Variants in CAMK1D observed in about 807,000 individuals in gnomAD.
The protein encoded by CAMK1D is calcium/calmodulin dependent protein kinase ID, also known as calcium/calmodulin-dependent protein kinase type 1D.
In CAMK1D, 9 loss-of-function variants were observed where a neutral mutation model predicts 47.7. The ratio of observed to expected loss-of-function variants is 0.19; its 90% CI spans 0.11 to 0.33. The LOEUF is 0.33. Among genes scored for constraint, CAMK1D ranks in the 10% least tolerant of loss-of-function variants. The pLI is 1.00. For synonymous variants in CAMK1D, 184 were observed against 184.9 expected, an observed-to-expected ratio of 0.99 and a Z score of 0.04; for missense variants, 291 against 488.7, an observed-to-expected ratio of 0.60 and a Z score of 3.81.
intron 1 of CAMK1D, among the ~76,000 whole-genome samples, chr10:12,413,324 G>C (rs1216260544): frequency 6.6e-6 from 1 of 152,152 alleles, no homozygotes; most frequent in African/African-American, 2.4e-5. Flanking sequence ...CAAGCTGTGA[G>C]GGATCCGCTC....
At chr10:12,424,861 A>G (rs766894629) in intron 1 of CAMK1D, among the ~76,000 whole-genome samples, 3 of 152,162 alleles carry the variant, frequency 2.0e-5, no homozygotes, top group Non-Finnish European at 4.4e-5. Flanking sequence ...ATGAAGCTTC[A>G]TTCAACTCCC....
At chr10:12,355,090 A>C (rs968086370) in intron 1 of CAMK1D, among the ~76,000 whole-genome samples, 1 of 150,216 alleles carries the variant, frequency 6.7e-6, no homozygotes, top group Non-Finnish European at 1.5e-5. Context: ...TGATCCTCCT[A>C]CTTTGGGCTC....
At chr10:12,529,967 CAA>C (rs1835751838) in intron 1 of CAMK1D, among the ~76,000 whole-genome samples, 1 of 152,156 alleles carries the variant, frequency 6.6e-6, no homozygotes, top group African/African-American at 2.4e-5. Context: ...GAAATGGAAA[CAA>C]ATGTGAATTT....
intron 1 of CAMK1D, among the ~76,000 whole-genome samples, chr10:12,474,794 G>T (rs902354743): frequency 1.3e-5 from 2 of 151,712 alleles, no homozygotes; most frequent in East Asian, 1.9e-4. Context: ...TCCCCTCAAG[G>T]TGTCCATGTG....
At chr10:12,511,407 C>G (rs1294053619) in intron 1 of CAMK1D, among the ~76,000 whole-genome samples, 1 of 152,054 alleles carries the variant, frequency 6.6e-6, no homozygotes, top group Non-Finnish European at 1.5e-5. Context: ...TTGAGACCAG[C>G]CTGGGCAACA....
At chr10:12,419,213 G>A (rs1839961525) in intron 1 of CAMK1D, among the ~76,000 whole-genome samples, 1 of 151,784 alleles carries the variant, frequency 6.6e-6, no homozygotes, top group Non-Finnish European at 1.5e-5. Context: ...CAACAGCCAT[G>A]ATCTCATGAA....
intron 1 of CAMK1D, among the ~76,000 whole-genome samples, chr10:12,417,812 T>G (rs1031357725): frequency 3.0e-4 from 46 of 151,960 alleles, no homozygotes; most frequent in African/African-American, 1.1e-3. Flanking sequence ...TTTGCCTTTT[T>G]TTTTTTTGAG....
At chr10:12,503,729 C>T (rs2132146457) in intron 1 of CAMK1D, among the ~76,000 whole-genome samples, 1 of 152,272 alleles carries the variant, frequency 6.6e-6, no homozygotes, top group Non-Finnish European at 1.5e-5. Flanking sequence ...CCCCCTTTTC[C>T]ATGATGATTG....
At chr10:12,759,432 T>C (rs1415814835) in intron 3 of CAMK1D, among the ~76,000 whole-genome samples, 1 of 152,200 alleles carries the variant, frequency 6.6e-6, no homozygotes, top group Non-Finnish European at 1.5e-5. Context: ...TTCTGGTACA[T>C]TCTCGAGCTC....
chr10:12,785,483 A>G (rs1837681367), intron 5 of CAMK1D, among the ~76,000 whole-genome samples: 1 of 152,094 alleles, frequency 6.6e-6, no homozygotes, highest in East Asian at 1.9e-4. Context: ...ATACGATTAG[A>G]ATACAATTTC....
chr10:12,622,415 C>T (rs186151122), intron 2 of CAMK1D, among the ~76,000 whole-genome samples: 16 of 152,078 alleles, frequency 1.1e-4, no homozygotes, highest in Admixed American at 7.2e-4. Flanking sequence ...ATCTTGGATA[C>T]GGGAGGCAGA....
At chr10:12,405,341 A>C (rs1328767872) in intron 1 of CAMK1D, among the ~76,000 whole-genome samples, 1 of 152,218 alleles carries the variant, frequency 6.6e-6, no homozygotes. Flanking sequence ...TAGTGCAGAC[A>C]TAATGCCCAG....
intron 3 of CAMK1D, among the ~76,000 whole-genome samples, chr10:12,712,417 C>T (rs756828637): frequency 6.6e-6 from 1 of 152,226 alleles, no homozygotes; most frequent in Non-Finnish European, 1.5e-5. Flanking sequence ...GCTGGAATTG[C>T]TACAACAGAA....
At chr10:12,706,125 C>T (rs961833653) in intron 3 of CAMK1D, among the ~76,000 whole-genome samples, 2 of 152,088 alleles carry the variant, frequency 1.3e-5, no homozygotes, top group African/African-American at 4.8e-5. Flanking sequence ...GAGATGGCTT[C>T]TAAGTGACTA....
chr10:12,361,777 A>T lies in CAMK1D; in HGVS notation c.92+11867A>T, dbSNP rs984899067. ...CACCATGTTGGCCAGGCTGGTCTCGATCTCCTGACCTCAAATGACCCACCC... is the reference window on the plus strand; with the variant it reads ...CACCATGTTGGCCAGGCTGGTCTCGTTCTCCTGACCTCAAATGACCCACCC... On this transcript the variant is annotated intron_variant, in intron 1 of 10. Coordinates refer to ENST00000619168, the MANE Select transcript of CAMK1D (RefSeq NM_153498.4). Among the ~76,000 whole-genome samples the T allele has an allele frequency of 6.0e-5, 9 of 150,874 alleles. No individual in the cohort carries two copies. The South Asian group carries it at 1.0e-3, about 18-fold the overall frequency.
At chr10:12,541,361 CTTTCT>C (rs1446453014) in intron 1 of CAMK1D, among the ~76,000 whole-genome samples, 1 of 151,952 alleles carries the variant, frequency 6.6e-6, no homozygotes, top group Non-Finnish European at 1.5e-5. Flanking sequence ...TTTTGTTTTT[CTTTCT>C]TTTCTTTTTT....
intron 6 of CAMK1D, among the ~76,000 whole-genome samples, chr10:12,804,116 T>C (rs1838609521): frequency 6.6e-6 from 1 of 152,186 alleles, no homozygotes; most frequent in South Asian, 2.1e-4. Flanking sequence ...TGGATGCCAT[T>C]GGCCATCAGA....
rs1419313520 is a variant in CAMK1D at position 12,569,575 on chromosome 10, C to T, written c.224+16219C>T. Reference sequence around the variant, plus strand: ...AATACAAAAAAAAAAAAAAATTAGCCGGGCTTGGTGGCGGGCGCCTGTAGT... The same window carrying T: ...AATACAAAAAAAAAAAAAAATTAGCTGGGCTTGGTGGCGGGCGCCTGTAGT... On this transcript the variant is annotated intron_variant, in intron 2 of 10. Transcript: ENST00000619168. Among the ~76,000 whole-genome samples, 9 of 150,386 alleles carry T rather than the reference C, an allele frequency of 6.0e-5. No individual in the cohort carries two copies. The East Asian group carries it at 1.2e-3, about 20-fold the overall frequency.
intron 1 of CAMK1D, among the ~76,000 whole-genome samples, chr10:12,396,483 C>T (rs533007929): frequency 1.3e-5 from 2 of 152,338 alleles, no homozygotes; most frequent in South Asian, 4.1e-4. Flanking sequence ...GGCTTAACCC[C>T]CTTTTTGCCA....
Sources: allele counts gnomAD v4.1 joint callset (sites outside exome capture counted in the v4.1 genomes callset), GRCh38; gene constraint gnomAD v4.1.1; transcripts MANE v1.5; gene names NCBI Gene and HGNC (gene_info 2026-07-23, HGNC 2026-07-21).